Variants in RIMS2 observed in about 807,000 individuals in gnomAD.
RIMS2 encodes regulating synaptic membrane exocytosis protein 2.
In RIMS2, 59 loss-of-function variants were observed where a neutral mutation model predicts 174.4. The ratio of observed to expected loss-of-function variants is 0.34; its 90% CI spans 0.27 to 0.42. RIMS2 has a LOEUF of 0.42. Among genes scored for constraint, RIMS2 ranks in the 10% least tolerant of loss-of-function variants. The probability of loss-of-function intolerance (pLI) is 1.00; values close to 1 mark genes in which losing one functional copy is unlikely to be tolerated. For synonymous variants in RIMS2, 606 were observed against 572.5 expected (o/e 1.06, Z -0.84); for missense variants, 1,620 against 1,666.3 (o/e 0.97, Z 0.48).
chr8:104,245,129 A>G, intron 20 of RIMS2, 72 bp downstream of exon 26: 1 of 1,468,288 alleles, frequency 6.8e-7, no homozygotes, highest in Non-Finnish European at 9.4e-7. Context: ...TTTCACAGAG[A>G]TTTTCCAACT....
At chr8:103,950,530 T>G (rs888828055) in intron 14 of RIMS2, among the ~76,000 whole-genome samples, 1 of 151,844 alleles carries the variant, frequency 6.6e-6, no homozygotes. Context: ...AAGAAAAAAA[T>G]TATATCATAA....
intron 2 of RIMS2, among the ~76,000 whole-genome samples, chr8:103,726,886 G>A (rs908411871): frequency 2.0e-5 from 3 of 150,614 alleles, no homozygotes; most frequent in South Asian, 2.1e-4. Context: ...TTATAGGCAC[G>A]TGCCATCATG....
chr8:103,866,152 GTTAATGT>G, intron 3 of RIMS2, among the ~76,000 whole-genome samples: 1 of 152,260 alleles, frequency 6.6e-6, no homozygotes, highest in South Asian at 2.1e-4. Context: ...AAAATGCCAT[GTTAATGT>G]GTATCATCAA....
At chr8:104,197,682 G>A (rs761387522) in intron 19 of RIMS2, among the ~76,000 whole-genome samples, 16 of 152,218 alleles carry the variant, frequency 1.1e-4, no homozygotes, top group South Asian at 4.1e-4. Context: ...TGGATTTTGC[G>A]AGGGTGGTTT....
intron 3 of RIMS2, among the ~76,000 whole-genome samples, chr8:103,847,004 G>A (rs140115112): frequency 6.6e-6 from 1 of 152,052 alleles, no homozygotes; most frequent in African/African-American, 2.4e-5. Flanking sequence ...TAACAGATGT[G>A]TTACTTGCTC....
rs16870816 is a variant in RIMS2 at position 103,896,401 on chromosome 8, G to A, written c.1624+10178G>A. On this transcript the variant is annotated intron_variant, in intron 4 of 23. Coordinates refer to ENST00000504942, the Ensembl canonical transcript of RIMS2. ...GGTAGAAGAAAGTTATGGAAGCAAC[G>A]CTAGGTAAGAAGGTAACATATATCT... Among the ~76,000 whole-genome samples, 4 of 151,196 alleles carry A rather than the reference G, an allele frequency of 2.6e-5. No individual in the cohort carries two copies. The East Asian group carries it at 5.8e-4, about 22-fold the overall frequency.
intron 1 of RIMS2, among the ~76,000 whole-genome samples, chr8:103,543,638 A>G (rs1843545025): frequency 6.6e-6 from 1 of 152,184 alleles, no homozygotes; most frequent in East Asian, 1.9e-4. Context: ...GCATGGTACT[A>G]TAAACAGATA....
chr8:103,740,266 C>T (rs1367377790), intron 2 of RIMS2, among the ~76,000 whole-genome samples: 1 of 152,124 alleles, frequency 6.6e-6, no homozygotes, highest in Non-Finnish European at 1.5e-5. Context: ...TATTTTCCCA[C>T]AGAAACAATT....
chr8:104,217,594 T>C (rs1311817109), intron 19 of RIMS2, among the ~76,000 whole-genome samples: 2 of 152,202 alleles, frequency 1.3e-5, no homozygotes, highest in African/African-American at 4.8e-5. Context: ...ACCTCATCAA[T>C]TTTTATGAAA....
intron 2 of RIMS2, among the ~76,000 whole-genome samples, chr8:103,737,496 T>TTCTTAATTGGTCTTAATTGG (rs540214703): frequency 0.023 from 3,561 of 152,122 alleles, 390 homozygotes; most frequent in Admixed American, 0.19. Context: ...CTGGAATAAC[T>TTCTTAATTGGTCTTAATTGG]TCTTAATTGG....
rs142059190 is a variant in RIMS2 at position 104,166,502 on chromosome 8, A to G, written c.3335-78414A>G. On this transcript the variant is annotated intron_variant, in intron 19 of 23. Transcript: ENST00000504942. The stretch of plus-strand genomic sequence containing the variant: ...AGTAAGTTCAGAAAAAACATTTAGT[A>G]TGCAGCAGAGAAAGATAAATGATCT... 1.7e-3 allele frequency among the ~76,000 whole-genome samples: 256 copies of G among 152,234 alleles called. 3 individuals carry two copies. The highest frequency in any genetic ancestry group is 0.014 in the South Asian group (68 of 4,824).
chr8:103,805,677 C>G (rs567364884), intron 3 of RIMS2, among the ~76,000 whole-genome samples: 41 of 152,266 alleles, frequency 2.7e-4, no homozygotes, highest in African/African-American at 9.4e-4. Context: ...AATGCAATCT[C>G]TCTTCCACTT....
intron 1 of RIMS2, among the ~76,000 whole-genome samples, chr8:103,511,275 A>G (rs1434401374): frequency 6.6e-6 from 1 of 152,190 alleles, no homozygotes; most frequent in Non-Finnish European, 1.5e-5. Flanking sequence ...ATTTATTTTT[A>G]TAGGGAGAGG....
At chr8:103,871,545 T>C (rs576145134) in intron 3 of RIMS2, among the ~76,000 whole-genome samples, 1 of 152,266 alleles carries the variant, frequency 6.6e-6, no homozygotes, top group African/African-American at 2.4e-5. Context: ...CTATATGATC[T>C]ACCACTTTAA....
chr8:104,061,028 G>GA (rs943441963), intron 19 of RIMS2, among the ~76,000 whole-genome samples: 2 of 152,254 alleles, frequency 1.3e-5, no homozygotes, highest in East Asian at 1.9e-4. Context: ...GTGTGGTGCT[G>GA]AAAAAAATGT....
At chr8:104,102,841 A>C (rs1248513129) in intron 19 of RIMS2, among the ~76,000 whole-genome samples, 1 of 152,150 alleles carries the variant, frequency 6.6e-6, no homozygotes, top group African/African-American at 2.4e-5. Flanking sequence ...CCAATGACAC[A>C]TGGGGATTAT....
intron 2 of RIMS2, among the ~76,000 whole-genome samples, chr8:103,723,315 G>C (rs2097480083): frequency 6.6e-6 from 1 of 152,214 alleles, no homozygotes; most frequent in African/African-American, 2.4e-5. Flanking sequence ...GGGCACATTT[G>C]AAGAAGTAAG....
At chr8:103,585,129 A>G (rs1433815360) in intron 1 of RIMS2, among the ~76,000 whole-genome samples, 2 of 152,164 alleles carry the variant, frequency 1.3e-5, no homozygotes, top group African/African-American at 4.8e-5. Flanking sequence ...CGGCCAACAA[A>G]CATATGAAAA....
At chr8:104,171,300 A>T (rs926033705) in intron 19 of RIMS2, among the ~76,000 whole-genome samples, 1 of 128,362 alleles carries the variant, frequency 7.8e-6, no homozygotes, top group South Asian at 2.4e-4. Context: ...GCTGTTTTAC[A>T]TAATCCCATT....
Sources: gnomAD v4.1 joint callset for allele counts (sites outside exome capture counted in the v4.1 genomes callset) on GRCh38, gnomAD v4.1.1 for gene constraint, MANE v1.5 for transcripts, NCBI Gene and HGNC (gene_info 2026-07-23, HGNC 2026-07-21) for gene names.